The following NRXN1 variants were observed in gnomAD, a reference collection of about 807,000 sequenced individuals.
The protein encoded by NRXN1 is neurexin 1.
Under a neutral mutation model 150.9 loss-of-function variants are expected in NRXN1, and 39 were observed. That is an observed-to-expected ratio of 0.26 (90% CI 0.20 to 0.34). The LOEUF is 0.34. Ranked by LOEUF, NRXN1 falls within the 10% of genes least tolerant of loss-of-function variation. NRXN1 has a pLI of 1.00. For synonymous variants in NRXN1, 924 were observed against 757.0 expected (o/e 1.22, Z -3.62); for missense variants, 1,815 against 1,949.9 (o/e 0.93, Z 1.30).
Position 49,953,655 on chromosome 2 carries a change from A to G in NRXN1, c.4129-9864T>C, listed in dbSNP as rs2104476226. 1.3e-5 allele frequency among the ~76,000 whole-genome samples: 2 copies of G among 152,206 alleles called. 1 individual carries two copies. Among genetic ancestry groups the G allele is most frequent in the South Asian group, 4.1e-4 (2 of 4,822 alleles). On this transcript the variant is annotated intron_variant, in intron 21 of 22. Coordinates refer to ENST00000401669, the MANE Select transcript of NRXN1 (RefSeq NM_001330078.2). ...TGTGTTCTAAACATGACATATGAAT[A>G]TATACATATTATACATTTAAATACA...
chr2:50,459,224 T>A (rs904511455), intron 17 of NRXN1, among the ~76,000 whole-genome samples: 1 of 152,264 alleles, frequency 6.6e-6, no homozygotes, highest in Non-Finnish European at 1.5e-5. Context: ...AAAACACTCC[T>A]GATAATTTGA....
intron 17 of NRXN1, among the ~76,000 whole-genome samples, chr2:50,373,683 GAAA>G (rs1558620537): frequency 1.9e-5 from 2 of 107,718 alleles, no homozygotes; most frequent in African/African-American, 7.0e-5. Flanking sequence ...AGAAAGAAAA[GAAA>G]GAAGGAAAGA....
intron 17 of NRXN1, among the ~76,000 whole-genome samples, chr2:50,378,205 T>G (rs74790504): frequency 2.6e-5 from 4 of 152,144 alleles, no homozygotes; most frequent in Admixed American, 2.6e-4. Context: ...TGACCTTTCA[T>G]TTTTTGGGGT....
At chr2:50,620,329 T>C (rs1309549458) in intron 7 of NRXN1, 146 bp from the exon 8 acceptor site, 1 of 884,576 alleles carries the variant, frequency 1.1e-6, no homozygotes, top group East Asian at 2.7e-5. Context: ...TTGGTTTTTG[T>C]TTTTAGACCT....
At chr2:50,053,718 C>T (rs1693148627) in intron 20 of NRXN1, 128 bp from the exon 21 acceptor site, 1 of 906,050 alleles carries the variant, frequency 1.1e-6, no homozygotes, top group South Asian at 1.5e-5. Flanking sequence ...GCATTTGACT[C>T]ATAATTCATT....
intron 5 of NRXN1, among the ~76,000 whole-genome samples, chr2:50,803,625 T>C (rs575167947): frequency 4.6e-5 from 7 of 152,300 alleles, no homozygotes; most frequent in African/African-American, 1.7e-4. Context: ...ATTTCTGGAA[T>C]ATTTTCAAAA....
chr2:50,541,745 A>G (rs1238917201), intron 9 of NRXN1, among the ~76,000 whole-genome samples: 1 of 151,112 alleles, frequency 6.6e-6, no homozygotes, highest in Non-Finnish European at 1.5e-5. Context: ...GTTTAAAAGA[A>G]AAAAAAAATA....
At chr2:51,019,810 A>G (rs1669309153) in intron 2 of NRXN1, among the ~76,000 whole-genome samples, 3 of 152,034 alleles carry the variant, frequency 2.0e-5, no homozygotes, top group Admixed American at 2.0e-4. Flanking sequence ...ATAAAAGTGG[A>G]AAATGATTCA....
chr2:50,019,641 C>CAAAAAAAAAAAAAAAAAAAAAAAAAAAA (rs764073226), intron 21 of NRXN1, among the ~76,000 whole-genome samples: 6 of 25,554 alleles, frequency 2.3e-4, no homozygotes, highest in Non-Finnish European at 3.8e-4. Context: ...GATTCCGTCT[C>CAAAAAAAAAAAAAAAAAAAAAAAAAAAA]AAAAAAAAAA....
At chr2:50,054,905 G>A in intron 20 of NRXN1, 50 bp downstream of exon 20, 1 of 1,234,444 alleles carries the variant, frequency 8.1e-7, no homozygotes, top group East Asian at 2.7e-5. Context: ...GTACTACTTG[G>A]TTATGTTCAA....
In NRXN1 at chr2:50,226,307, T is replaced by A. The variant is rs1026618225; in HGVS notation, c.3546+10482A>T. On this transcript the variant is annotated intron_variant, in intron 18 of 22. Transcript: ENST00000401669. ...GACTGCTTCATAGTTTAAAAACTTT[T>A]AAGTGTGCTTTTACAGTGTGAGGAT... Among the ~76,000 whole-genome samples, 6 of 152,160 alleles carry A rather than the reference T, an allele frequency of 3.9e-5. 1 individual carries two copies. Among genetic ancestry groups the A allele is most frequent in the Admixed American group, 2.6e-4 (4 of 15,248 alleles).
chr2:50,898,066 T>C (rs1045033695), intron 5 of NRXN1, among the ~76,000 whole-genome samples: 1 of 152,164 alleles, frequency 6.6e-6, no homozygotes, highest in African/African-American at 2.4e-5. Context: ...TCCAGATATT[T>C]CTTGAATTGC....
intron 18 of NRXN1, among the ~76,000 whole-genome samples, chr2:50,206,109 C>T (rs1003416878): frequency 1.3e-5 from 2 of 151,960 alleles, no homozygotes; most frequent in African/African-American, 4.8e-5. Context: ...TTCACCACCA[C>T]CTCCCAAAGA....
At chr2:50,100,306 A>G (rs1700820408) in intron 18 of NRXN1, among the ~76,000 whole-genome samples, 1 of 152,030 alleles carries the variant, frequency 6.6e-6, no homozygotes, top group Admixed American at 6.6e-5. Flanking sequence ...TGTAGGATTT[A>G]GTGGTCGTAA....
In NRXN1 at chr2:50,112,143, G is replaced by T. The variant is rs1702455925; in HGVS notation, c.3547-20649C>A. The stretch of plus-strand genomic sequence containing the variant: ...ATATCTCCCTGTACTTATTCTTGTG[G>T]ATTTGAAAATGCAATTATAGGACTT... On this transcript the variant is annotated intron_variant, in intron 18 of 22. Transcript: ENST00000401669. Among the ~76,000 whole-genome samples the T allele has an allele frequency of 2.0e-5, 3 of 152,036 alleles. No homozygotes were observed. In the South Asian group the frequency reaches 6.2e-4, roughly 32 times the overall value.
At chr2:50,507,176 G>A (rs1244552458) in intron 12 of NRXN1, among the ~76,000 whole-genome samples, 1 of 152,036 alleles carries the variant, frequency 6.6e-6, no homozygotes, top group Non-Finnish European at 1.5e-5. Context: ...CTTATACCTG[G>A]TACCTCCAGT....
rs1679034406 is a variant in NRXN1 at position 50,879,031 on chromosome 2, A to G, written c.832+42838T>C. On this transcript the variant is annotated intron_variant, in intron 5 of 22. Coordinates refer to ENST00000401669, the MANE Select transcript of NRXN1 (RefSeq NM_001330078.2). ...GTTGTTTGGTCAAACACTGGTCTAG[A>G]TGTTGTAAAGGTACCCTGTAGATGT... 1.3e-5 allele frequency among the ~76,000 whole-genome samples: 2 copies of G among 151,890 alleles called. 1 individual carries two copies. The highest frequency in any genetic ancestry group is 4.1e-4 in the South Asian group (2 of 4,820).
In NRXN1 at chr2:50,685,985, C is replaced by T. The variant is rs113240902; in HGVS notation, c.833-62370G>A. Among the ~76,000 whole-genome samples, 939 of 152,198 alleles carry T rather than the reference C, an allele frequency of 6.2e-3. 4 individuals are homozygous for T. The highest frequency in any genetic ancestry group is 9.3e-3 in the Non-Finnish European group (630 of 67,998). On this transcript the variant is annotated intron_variant, in intron 5 of 22. Transcript: ENST00000401669. ...GTAATCTTGAAACTAGACAGGCTTT[C>T]TCTAAAGTATAATTTCAGGGGCTTG...
At chr2:50,463,126 T>C (rs994164430) in intron 17 of NRXN1, among the ~76,000 whole-genome samples, 13 of 151,570 alleles carry the variant, frequency 8.6e-5, no homozygotes, top group Non-Finnish European at 1.8e-4. Flanking sequence ...AGAAAAGGAG[T>C]TTGTTAAAAC....
Sources: allele counts gnomAD v4.1 joint callset (sites outside exome capture counted in the v4.1 genomes callset), GRCh38; gene constraint gnomAD v4.1.1; transcripts MANE v1.5; gene names NCBI Gene and HGNC (gene_info 2026-07-23, HGNC 2026-07-21).